Variants in ATRN observed in about 807,000 individuals in gnomAD.
The protein encoded by ATRN is attractin-2.
In ATRN, 54 loss-of-function variants were observed where a neutral mutation model predicts 178.7. The ratio of observed to expected loss-of-function variants is 0.30; its 90% confidence interval spans 0.24 to 0.38. ATRN has a LOEUF of 0.38. Among genes scored for constraint, ATRN ranks in the 10% least tolerant of loss-of-function variants. ATRN has a pLI of 1.00. For synonymous variants in ATRN, 636 were observed against 663.0 expected, an observed-to-expected ratio of 0.96 and a Z score of 0.63; for missense variants, 1,443 against 1,815.1, an observed-to-expected ratio of 0.79 and a Z score of 3.73.
At chr20:3,586,616 A>G (rs2086360900) in intron 18 of ATRN, among the ~76,000 whole-genome samples, 1 of 151,652 alleles carries the variant, frequency 6.6e-6, no homozygotes, top group Admixed American at 6.6e-5. Flanking sequence ...GGAAACAAGG[A>G]ATAATAGGCA....
chr20:3,621,701 C>G lies in ATRN; in HGVS notation c.3802-2810C>G, dbSNP rs531645366. ...CAGAAAGGCCCCCAAATCTATTTCA[C>G]CGTTTCCATAATAAATTGTGAAAGA... On this transcript the variant is annotated intron_variant, in intron 24 of 28. Coordinates refer to ENST00000262919, the MANE Select transcript of ATRN (RefSeq NM_139321.3). Among the ~76,000 whole-genome samples the G allele has an allele frequency of 8.4e-4, 128 of 152,172 alleles. 2 individuals are homozygous for G. In the Middle Eastern group the frequency reaches 0.017, roughly 20 times the overall value.
chr20:3,587,462 C>G (rs1034738322), intron 18 of ATRN, among the ~76,000 whole-genome samples: 4 of 136,092 alleles, frequency 2.9e-5, no homozygotes, highest in Admixed American at 7.9e-5. Context: ...TGGTCCTGCA[C>G]CATTTGTTGA....
intron 1 of ATRN, among the ~76,000 whole-genome samples, chr20:3,479,578 A>G (rs951130577): frequency 1.3e-5 from 2 of 152,218 alleles, no homozygotes; most frequent in South Asian, 4.1e-4. Flanking sequence ...ATTATGGATT[A>G]TCATACTTAG....
intron 21 of ATRN, 108 bp from the exon 22 acceptor site, chr20:3,597,798 G>T: frequency 3.0e-6 from 2 of 659,234 alleles, no homozygotes; most frequent in Non-Finnish European, 5.2e-6. Context: ...CTGAGTTAAA[G>T]TGCTTTCCTC....
intron 6 of ATRN, among the ~76,000 whole-genome samples, chr20:3,551,037 T>C (rs1031965525): frequency 1.3e-5 from 2 of 152,192 alleles, no homozygotes; most frequent in Admixed American, 6.5e-5. Context: ...CCCAGATCTG[T>C]TTATCTTTAC....
intron 24 of ATRN, among the ~76,000 whole-genome samples, chr20:3,622,227 T>C (rs2086902193): frequency 6.6e-6 from 1 of 152,246 alleles, no homozygotes; most frequent in Admixed American, 6.5e-5. Context: ...TCCTTAGTTT[T>C]CCCAAAGTCC....
intron 11 of ATRN, among the ~76,000 whole-genome samples, chr20:3,565,869 CTCA>C (rs905905060): frequency 1.3e-5 from 2 of 151,602 alleles, no homozygotes; most frequent in African/African-American, 4.8e-5. Flanking sequence ...ACAAGATTCC[CTCA>C]TCCCAGTAGT....
chr20:3,563,000 G>T (rs539977985), intron 9 of ATRN, among the ~76,000 whole-genome samples: 3 of 152,214 alleles, frequency 2.0e-5, no homozygotes, highest in East Asian at 1.9e-4. Flanking sequence ...AGAGTTTAAG[G>T]TTCTTAATAT....
rs773234703 is a variant in ATRN at position 3,578,743 on chromosome 20, C to T, written c.2515C>T (p.Leu839=). The change falls in exon 15 of 29, where the codon CTG becomes TTG. Residue 839 remains leucine (L), a synonymous_variant. Transcript: ENST00000262919. ...GAAGGTAGAATTTGTCCTTAAGCAG[C>T]TGCGAATAATGCAGTCATCTCAGAG... The part of the protein sequence containing the change: ...QKKVEFVLKQ[L]RIMQSSQSMS... The T allele has an allele frequency of 6.2e-7, 1 of 1,613,556 alleles. No individual in the cohort carries two copies. Among genetic ancestry groups the T allele is most frequent in the Non-Finnish European group, 8.5e-7 (1 of 1,179,800 alleles).
chr20:3,583,271 A>C (rs1301301426), intron 16 of ATRN, among the ~76,000 whole-genome samples: 2 of 152,222 alleles, frequency 1.3e-5, no homozygotes, highest in African/African-American at 4.8e-5. Flanking sequence ...TACATATTCA[A>C]GTGGATTGTA....
chr20:3,521,451 T>G (rs1393384388), intron 1 of ATRN, among the ~76,000 whole-genome samples: 1 of 152,152 alleles, frequency 6.6e-6, no homozygotes, highest in Non-Finnish European at 1.5e-5. Context: ...GACAGAACAG[T>G]CCTGCATTTG....
intron 1 of ATRN, among the ~76,000 whole-genome samples, chr20:3,518,952 G>T (rs981363260): frequency 1.4e-5 from 2 of 146,008 alleles, no homozygotes; most frequent in Non-Finnish European, 3.0e-5. Flanking sequence ...GAAGCTTGAG[G>T]TTATTTCTAA....
intron 1 of ATRN, among the ~76,000 whole-genome samples, chr20:3,489,202 C>A (rs2084743112): frequency 6.6e-6 from 1 of 152,192 alleles, no homozygotes; most frequent in South Asian, 2.1e-4. Context: ...CTCAAGTGAT[C>A]TGCTTGCCTC....
intron 24 of ATRN, among the ~76,000 whole-genome samples, chr20:3,623,357 G>A (rs1371334952): frequency 6.6e-6 from 1 of 152,190 alleles, no homozygotes; most frequent in East Asian, 1.9e-4. Flanking sequence ...GGTAGCCAGA[G>A]GGAGGACACA....
At position 3,606,462 on chromosome 20, in the gene ATRN, G is replaced by C. The variant is rs182393358; in HGVS notation, c.3801+2200G>C. Reference sequence around the variant, plus strand: ...ACTGTTTCCTGCATGTGGGACTTGTGGTGCCACATCTATTCTGGTGATTCT... The same window carrying C: ...ACTGTTTCCTGCATGTGGGACTTGTCGTGCCACATCTATTCTGGTGATTCT... On this transcript the variant is annotated intron_variant, in intron 24 of 28. Coordinates refer to ENST00000262919, the MANE Select transcript of ATRN (RefSeq NM_139321.3). 3.5e-3 allele frequency among the ~76,000 whole-genome samples: 368 copies of C among 106,642 alleles called. 1 individual carries two copies. Among genetic ancestry groups the C allele is most frequent in the African/African-American group, 9.6e-3 (354 of 36,800 alleles). 70.0% of individuals were successfully genotyped at this position (106,642 alleles called of 152,430 possible). A position where few individuals can be genotyped will look rare whatever the true frequency, so the allele number is the denominator to read the frequency against.
intron 1 of ATRN, among the ~76,000 whole-genome samples, chr20:3,526,916 T>C (rs1354586962): frequency 6.6e-6 from 1 of 152,104 alleles, no homozygotes; most frequent in African/African-American, 2.4e-5. Context: ...TTATACCTTA[T>C]ACAAAAATTA....
In ATRN at chr20:3,549,243, C is replaced by G. The variant is rs757649933; in HGVS notation, c.1017C>G (p.Leu339=). The change falls in exon 6 of 29, where the codon CTC becomes CTG. Residue 339 remains leucine, a synonymous_variant. Coordinates refer to ENST00000262919, the MANE Select transcript of ATRN (RefSeq NM_139321.3). ...WTREEYSNLK[L]PRASHKAVVN... Reference sequence around the variant, plus strand: ...GAGAGGAATATTCTAACTTAAAGCTCCCCAGAGCATCTCATAAAGCTGTGG... The same window carrying G: ...GAGAGGAATATTCTAACTTAAAGCTGCCCAGAGCATCTCATAAAGCTGTGG... 1 of 1,610,672 alleles carries G rather than the reference C, an allele frequency of 6.2e-7. No homozygotes were observed. The highest frequency in any genetic ancestry group is 1.7e-5 in the Admixed American group (1 of 59,314).
At chr20:3,583,855 C>T in intron 16 of ATRN, 43 bp from the exon 17 acceptor site, 1 of 1,559,914 alleles carries the variant, frequency 6.4e-7, no homozygotes, top group Non-Finnish European at 8.8e-7. Flanking sequence ...CCTTAGCGGA[C>T]ATGGTGGGAG....
intron 1 of ATRN, among the ~76,000 whole-genome samples, chr20:3,515,444 A>T (rs1158753021): frequency 6.6e-6 from 1 of 152,204 alleles, no homozygotes; most frequent in Non-Finnish European, 1.5e-5. Flanking sequence ...ACTGAGAAGA[A>T]GCTGCCAGGG....
Sources: allele counts gnomAD v4.1 joint callset (sites outside exome capture counted in the v4.1 genomes callset), GRCh38; gene constraint gnomAD v4.1.1; transcripts MANE v1.5; gene names NCBI Gene and HGNC (gene_info 2026-07-23, HGNC 2026-07-21).